Variants in BRINP2 observed in about 807,000 individuals in gnomAD.
BRINP2 encodes the protein BMP/retinoic acid-inducible neural-specific protein 2.
In BRINP2, 21 loss-of-function variants were observed where a neutral mutation model predicts 69.2. That is an observed-to-expected ratio of 0.30 (90% confidence interval 0.22 to 0.44). The LOEUF is 0.44. Among genes scored for constraint, BRINP2 ranks in the 20% least tolerant of loss-of-function variants. BRINP2 has a pLI of 1.00. For missense variants in BRINP2, 877 were observed against 986.0 expected (o/e 0.89, Z 1.48); for synonymous variants, 380 against 394.1 (o/e 0.96, Z 0.42).
intron 1 of BRINP2, among the ~76,000 whole-genome samples, chr1:177,183,137 CTT>C (rs71129597): frequency 5.6e-3 from 306 of 54,210 alleles, no homozygotes; most frequent in Non-Finnish European, 8.5e-3. Flanking sequence ...AGTGTGTGAG[CTT>C]TTTTTTTTTT....
intron 1 of BRINP2, among the ~76,000 whole-genome samples, chr1:177,209,005 G>A (rs2102309399): frequency 6.6e-6 from 1 of 152,232 alleles, no homozygotes; most frequent in South Asian, 2.1e-4. Context: ...CCAAGAGTGA[G>A]GCTTGTCATT....
chr1:177,213,008 TGG>T (rs1001918585), intron 1 of BRINP2, among the ~76,000 whole-genome samples: 307 of 152,304 alleles, frequency 2.0e-3, no homozygotes, highest in African/African-American at 7.0e-3. Context: ...TATTTTCTAT[TGG>T]TTTTATTGTT....
intron 5 of BRINP2, chr1:177,275,035 G>A (rs777824754): frequency 6.8e-6 from 3 of 441,672 alleles, no homozygotes; most frequent in Non-Finnish European, 1.4e-5. Flanking sequence ...GGAAAGAGGA[G>A]CTCACCATAT....
intron 1 of BRINP2, among the ~76,000 whole-genome samples, chr1:177,201,477 G>C (rs965394474): frequency 2.6e-5 from 4 of 152,204 alleles, no homozygotes; most frequent in African/African-American, 9.6e-5. Context: ...ATTTTGCCTT[G>C]TACTTTTTGT....
intron 1 of BRINP2, among the ~76,000 whole-genome samples, chr1:177,186,407 G>A (rs1648426135): frequency 6.6e-6 from 1 of 152,014 alleles, no homozygotes; most frequent in Admixed American, 6.6e-5. Flanking sequence ...GCTACTGAAA[G>A]TAACGGCAAA....
At chr1:177,220,205 T>A (rs957367883) in intron 1 of BRINP2, among the ~76,000 whole-genome samples, 2 of 151,870 alleles carry the variant, frequency 1.3e-5, no homozygotes, top group Non-Finnish European at 2.9e-5. Flanking sequence ...CAGCAGGAAA[T>A]GGGGGAGTGG....
At chr1:177,198,524 A>G (rs1312110899) in intron 1 of BRINP2, among the ~76,000 whole-genome samples, 1 of 152,210 alleles carries the variant, frequency 6.6e-6, no homozygotes, top group African/African-American at 2.4e-5. Context: ...GTACTAATGA[A>G]TCATGTGGGA....
intron 4 of BRINP2, among the ~76,000 whole-genome samples, chr1:177,259,407 A>C (rs1650872415): frequency 6.6e-6 from 1 of 152,210 alleles, no homozygotes. Flanking sequence ...AAGATGAAGC[A>C]GTAACTGCTG....
intron 1 of BRINP2, among the ~76,000 whole-genome samples, chr1:177,210,162 T>A (rs1358391302): frequency 2.6e-5 from 4 of 152,164 alleles, no homozygotes; most frequent in Non-Finnish European, 5.9e-5. Context: ...CTGCTTCTGG[T>A]CTCTAAAAAT....
At chr1:177,172,544 T>C (rs945597571) in intron 1 of BRINP2, among the ~76,000 whole-genome samples, 1 of 152,158 alleles carries the variant, frequency 6.6e-6, no homozygotes, top group Non-Finnish European at 1.5e-5. Context: ...AAATCACGGA[T>C]GCCTGGAGTG....
At chr1:177,179,257 G>A (rs997878157) in intron 1 of BRINP2, among the ~76,000 whole-genome samples, 1 of 152,194 alleles carries the variant, frequency 6.6e-6, no homozygotes, top group African/African-American at 2.4e-5. Flanking sequence ...AAGTCTCTTA[G>A]AGAAAGTAAC....
At chr1:177,232,509 G>T (rs6684962) in intron 2 of BRINP2, among the ~76,000 whole-genome samples, 2 of 152,068 alleles carry the variant, frequency 1.3e-5, no homozygotes, top group African/African-American at 4.8e-5. Flanking sequence ...GTGGGGCAGA[G>T]AGAGGATAGT....
rs993659881 is a variant in BRINP2, at chr1:177,282,234, T to C, written c.*706T>C. 6 of 152,282 alleles carry C rather than the reference T, an allele frequency of 3.9e-5. No individual in the cohort carries two copies. The highest frequency in any genetic ancestry group is 1.4e-4 in the African/African-American group (6 of 41,426). 9.4% of individuals were successfully genotyped at this position (152,282 alleles called of 1,614,324 possible). ...CCCATTGTGGTCCCTTCAGAGCTCC[T>C]TTCCAACAGCATCTCTCTGTCGAAG... On this transcript the variant is annotated 3_prime_UTR_variant, in exon 8 of 8. Transcript: ENST00000361539.
intron 1 of BRINP2, among the ~76,000 whole-genome samples, chr1:177,194,911 T>C (rs1181678498): frequency 6.6e-6 from 1 of 152,198 alleles, no homozygotes; most frequent in South Asian, 2.1e-4. Context: ...TGGATTTTCT[T>C]GTTAAGACAT....
intron 2 of BRINP2, among the ~76,000 whole-genome samples, chr1:177,235,809 T>C (rs930243217): frequency 2.6e-5 from 4 of 152,156 alleles, no homozygotes; most frequent in Non-Finnish European, 5.9e-5. Context: ...GGCTACATTA[T>C]CACGCGGCTT....
intron 2 of BRINP2, among the ~76,000 whole-genome samples, chr1:177,255,034 G>T (rs1052025591): frequency 6.6e-6 from 1 of 152,194 alleles, no homozygotes; most frequent in African/African-American, 2.4e-5. Context: ...TGGATTTAAT[G>T]TAACAAAGCA....
intron 1 of BRINP2, among the ~76,000 whole-genome samples, chr1:177,175,989 T>A (rs1648076819): frequency 1.3e-5 from 2 of 152,190 alleles, no homozygotes; most frequent in Non-Finnish European, 2.9e-5. Context: ...GAGTTATGCT[T>A]CAAACTGGGG....
intron 1 of BRINP2, among the ~76,000 whole-genome samples, chr1:177,208,489 G>A (rs948229705): frequency 5.8e-4 from 89 of 152,296 alleles, no homozygotes; most frequent in African/African-American, 2.1e-3. Flanking sequence ...TGTGGTGACG[G>A]CTGTAACCCA....
At chr1:177,229,296 A>G (rs1171595976) in intron 1 of BRINP2, among the ~76,000 whole-genome samples, 1 of 152,232 alleles carries the variant, frequency 6.6e-6, no homozygotes, top group African/African-American at 2.4e-5. Flanking sequence ...AAGGAACTTC[A>G]GTACTTTTCT....
Sources: allele counts gnomAD v4.1 joint callset (sites outside exome capture counted in the v4.1 genomes callset), GRCh38; gene constraint gnomAD v4.1.1; transcripts MANE v1.5; gene names NCBI Gene and HGNC (gene_info 2026-07-23, HGNC 2026-07-21).